The following ANK3 variants were observed in gnomAD, a reference collection of about 807,000 sequenced individuals.
The protein encoded by ANK3 is ankyrin 3.
ANK3 carries 57 observed loss-of-function variants against 370.9 expected under a neutral mutation model. The observed-to-expected ratio is 0.15, with a 90% confidence interval of 0.12 to 0.19. ANK3 has a LOEUF of 0.19. Ranked by LOEUF, ANK3 falls within the 10% of genes least tolerant of loss-of-function variation. ANK3 has a pLI of 1.00. For synonymous variants in ANK3, 1,929 were observed against 1,946.3 expected (o/e 0.99, Z 0.23); for missense variants, 4,439 against 5,302.1 (o/e 0.84, Z 5.06).
intron 1 of ANK3, among the ~76,000 whole-genome samples, chr10:60,352,252 C>T (rs893107482): frequency 2.0e-5 from 3 of 152,270 alleles, no homozygotes; most frequent in East Asian, 1.9e-4. Context: ...GCTGTGATCA[C>T]GCCACTGTAC....
intron 2 of ANK3, among the ~76,000 whole-genome samples, chr10:60,469,347 A>G (rs866623995): frequency 3.8e-4 from 44 of 115,364 alleles, no homozygotes; most frequent in African/African-American, 6.4e-4. Flanking sequence ...CTTTTAGTGT[A>G]TATATATATA....
At chr10:60,399,871 A>T (rs1726669296) in intron 2 of ANK3, among the ~76,000 whole-genome samples, 1 of 152,242 alleles carries the variant, frequency 6.6e-6, no homozygotes, top group Non-Finnish European at 1.5e-5. Flanking sequence ...AATTTAAATC[A>T]AATTTAATTT....
In ANK3 at chr10:60,029,820, TATG is replaced by T. The variant is rs898403750; in HGVS notation, c.*23_*25del. The T allele has an allele frequency of 2.2e-4, 33 of 150,826 alleles. No homozygotes were observed. Among genetic ancestry groups the T allele is most frequent in the African/African-American group, 6.1e-4 (25 of 41,028 alleles). The allele number at this position is 150,826 out of a possible 1,614,324, so 9.3% of individuals were successfully genotyped here. ...TTTCTCAATACTGGCAGTAAAAACT[TATG>T]ATCCTGTGGAAAGAGACAGTAGATA... On this transcript the variant is annotated 3_prime_UTR_variant, in exon 44 of 44. Transcript: ENST00000280772.
chr10:60,270,209 A>G lies in ANK3; in HGVS notation c.435T>C (p.Tyr145=). Residue 145 remains tyrosine, a synonymous_variant, in exon 5 of 44, where the codon TAT becomes TAC. Transcript: ENST00000280772. The part of the protein sequence containing the change: ...AQSQNGFTPL[Y]MAAQENHLEV... ...CCAGGTGATTTTCCTGGGCTGCCAT[A>G]TACAATGGCGTGAAACCATTCTGCA... The G allele has an allele frequency of 1.3e-6, 2 of 1,597,000 alleles. No homozygotes were observed. The highest frequency in any genetic ancestry group is 1.7e-5 in the Admixed American group (1 of 58,332).
chr10:60,067,803 A>C (rs1589497867), intron 38 of ANK3, 132 bp downstream of exon 38: 1 of 612,950 alleles, frequency 1.6e-6, no homozygotes, highest in East Asian at 2.8e-5. Flanking sequence ...GGGTAGATAA[A>C]ATTATTGGTG....
intron 23 of ANK3, among the ~76,000 whole-genome samples, chr10:60,159,576 C>T (rs189809850): frequency 6.6e-6 from 1 of 152,190 alleles, no homozygotes; most frequent in Admixed American, 6.5e-5. Context: ...CCCTAATAGA[C>T]ATGCACAGAA....
intron 16 of ANK3, among the ~76,000 whole-genome samples, chr10:60,195,707 T>A (rs1001116030): frequency 6.6e-6 from 1 of 152,138 alleles, no homozygotes; most frequent in African/African-American, 2.4e-5. Context: ...ACAATAAAGA[T>A]CCTCCTTAGC....
intron 7 of ANK3, among the ~76,000 whole-genome samples, chr10:60,249,016 A>G (rs1357625557): frequency 6.6e-6 from 1 of 152,120 alleles, no homozygotes; most frequent in African/African-American, 2.4e-5. Flanking sequence ...GGCTAGTTCA[A>G]CTCTTTCATT....
chr10:60,285,800 G>A (rs2098235789), intron 1 of ANK3, among the ~76,000 whole-genome samples: 1 of 152,108 alleles, frequency 6.6e-6, no homozygotes, highest in South Asian at 2.1e-4. Flanking sequence ...TAATGCATCT[G>A]CCTGCAACCA....
chr10:60,575,819 C>A (rs1478340841), intron 2 of ANK3, among the ~76,000 whole-genome samples: 3 of 152,006 alleles, frequency 2.0e-5, no homozygotes, highest in Non-Finnish European at 4.4e-5. Flanking sequence ...AAACAACTTA[C>A]CTTTAATAGA....
intron 42 of ANK3, among the ~76,000 whole-genome samples, chr10:60,047,028 T>C (rs2077082120): frequency 6.6e-6 from 1 of 152,098 alleles, no homozygotes; most frequent in Non-Finnish European, 1.5e-5. Flanking sequence ...AGGATGGTTT[T>C]GATCTCCTGA....
At chr10:60,477,387 G>A (rs1329676041) in intron 2 of ANK3, among the ~76,000 whole-genome samples, 1 of 151,976 alleles carries the variant, frequency 6.6e-6, no homozygotes, top group Non-Finnish European at 1.5e-5. Flanking sequence ...GAAAGTCAAG[G>A]AGAGAATCAC....
At chr10:60,445,297 G>C (rs911826630) in intron 2 of ANK3, among the ~76,000 whole-genome samples, 1 of 151,924 alleles carries the variant, frequency 6.6e-6, no homozygotes, top group African/African-American at 2.4e-5. Context: ...GGCTAAGATG[G>C]GGGGATTGTT....
chr10:60,300,347 A>G (rs1366714499), intron 1 of ANK3: 4 of 1,289,312 alleles, frequency 3.1e-6, no homozygotes, highest in Non-Finnish European at 2.0e-6. Flanking sequence ...TCCCTCTTCC[A>G]CTGCCATTCT....
intron 2 of ANK3, among the ~76,000 whole-genome samples, chr10:60,554,016 C>A (rs2077151422): frequency 6.6e-6 from 1 of 152,118 alleles, no homozygotes; most frequent in African/African-American, 2.4e-5. Context: ...AGATTTCTGG[C>A]TTTTCTTAAA....
At chr10:60,141,166 G>T in intron 23 of ANK3, 1 of 303,710 alleles carries the variant, frequency 3.3e-6, no homozygotes, top group Non-Finnish European at 4.8e-6. Flanking sequence ...GAGGCACTTT[G>T]CAATACACTA....
In ANK3 at chr10:60,626,370, T is replaced by C. The variant is rs577155960; in HGVS notation, c.58-11146A>G. On this transcript the variant is annotated intron_variant, in intron 1 of 43. Coordinates refer to the ANK3 transcript ENST00000373827. ...CAAATAGTAGGTCTAATAACAACTA[T>C]AATTTTTAAATAGTAAAGAGCATAA... 2.6e-5 allele frequency among the ~76,000 whole-genome samples: 4 copies of C among 152,312 alleles called. No homozygotes were observed. In the South Asian group the frequency reaches 6.2e-4, roughly 24 times the overall value.
chr10:60,677,859 C>T (rs1000834694), intron 1 of ANK3, among the ~76,000 whole-genome samples: 2 of 151,728 alleles, frequency 1.3e-5, no homozygotes, highest in African/African-American at 4.8e-5. Context: ...CTTTTCCTTA[C>T]ATGATACTCC....
intron 2 of ANK3, among the ~76,000 whole-genome samples, chr10:60,509,071 CAG>C (rs2076012646): frequency 6.6e-6 from 1 of 152,034 alleles, no homozygotes; most frequent in Non-Finnish European, 1.5e-5. Context: ...GGGCAACTGG[CAG>C]CTAAAAAAGC....
Sources: allele counts gnomAD v4.1 joint callset (sites outside exome capture counted in the v4.1 genomes callset), GRCh38; gene constraint gnomAD v4.1.1; transcripts MANE v1.5; gene names NCBI Gene and HGNC (gene_info 2026-07-23, HGNC 2026-07-21).